The following ATP6V0A4 variants were observed in gnomAD, a reference collection of about 807,000 sequenced individuals.
The protein encoded by ATP6V0A4 is V-type proton ATPase 116 kDa subunit a 4.
ATP6V0A4 carries 86 observed loss-of-function variants against 107.3 expected under a neutral mutation model. That is an observed-to-expected ratio of 0.80 (90% CI 0.67 to 0.96). The LOEUF (loss-of-function observed/expected upper bound fraction) is 0.96. Ranked by LOEUF, ATP6V0A4 falls within the 40% of genes least tolerant of loss-of-function variation. The pLI is 0.00. For synonymous variants in ATP6V0A4, 353 were observed against 381.4 expected (o/e 0.93, Z 0.87); for missense variants, 908 against 1,045.6 (o/e 0.87, Z 1.81).
At position 138,714,238 on chromosome 7, in the gene ATP6V0A4, G is replaced by GAAA. The variant is rs34018116; in HGVS notation, c.2257+1523_2257+1525dup. Among the ~76,000 whole-genome samples, 108 of 126,954 alleles carry GAAA rather than the reference G, an allele frequency of 8.5e-4. 2 individuals are homozygous for GAAA. The highest frequency in any genetic ancestry group is 3.8e-3 in the Middle Eastern group (1 of 264). 83.3% of individuals were successfully genotyped at this position (126,954 alleles called of 152,430 possible). On this transcript the variant is annotated intron_variant, in intron 20 of 21. Transcript: ENST00000310018. ...GCAACAGAGGGAGACCCTGTCTTAGGAAAAAAAAAAAAAACGCTCCTCAGG... is the reference window on the plus strand; with the variant it reads ...GCAACAGAGGGAGACCCTGTCTTAGGAAAAAAAAAAAAAAAAACGCTCCTCAGG...
intron 18 of ATP6V0A4, among the ~76,000 whole-genome samples, chr7:138,725,494 A>T (rs1282530509): frequency 6.6e-6 from 1 of 151,818 alleles, no homozygotes; most frequent in Admixed American, 6.6e-5. Context: ...GGTAAGAGTG[A>T]CAGGAAGAAG....
At chr7:138,749,142 G>A in intron 12 of ATP6V0A4, 25 bp downstream of exon 12, 3 of 1,613,460 alleles carry the variant, frequency 1.9e-6, no homozygotes, top group Admixed American at 3.3e-5. Context: ...AAGCTACCCA[G>A]TCGTGCAGTT....
At chr7:138,735,078 T>C (rs1045556485) in intron 15 of ATP6V0A4, among the ~76,000 whole-genome samples, 4 of 152,312 alleles carry the variant, frequency 2.6e-5, no homozygotes, top group Non-Finnish European at 5.9e-5. Flanking sequence ...GGGGATCATG[T>C]GTACCTGTCC....
chr7:138,730,350 G>A (rs1246861552), intron 17 of ATP6V0A4, among the ~76,000 whole-genome samples: 3 of 137,156 alleles, frequency 2.2e-5, no homozygotes, highest in Non-Finnish European at 4.5e-5. Context: ...GAGTGTGTGT[G>A]TGTGTGTGTG....
intron 2 of ATP6V0A4, among the ~76,000 whole-genome samples, chr7:138,784,309 TA>T (rs1563021094): frequency 8.2e-6 from 1 of 122,244 alleles, no homozygotes; most frequent in Non-Finnish European, 1.6e-5. Flanking sequence ...CACACACACA[TA>T]TATATATATG....
chr7:138,767,479 C>T (rs916826202), intron 5 of ATP6V0A4, among the ~76,000 whole-genome samples: 2 of 152,114 alleles, frequency 1.3e-5, no homozygotes, highest in Admixed American at 6.6e-5. Context: ...GCCGAGATCA[C>T]ACCACTGCAC....
intron 8 of ATP6V0A4, among the ~76,000 whole-genome samples, chr7:138,758,770 T>TTTTTTTTGG (rs1806637554): frequency 3.7e-5 from 3 of 80,774 alleles, no homozygotes; most frequent in Admixed American, 1.2e-4. Context: ...TTTTTTTTTT[T>TTTTTTTTGG]GAGGGAGTCT....
rs1279104033 is a variant in ATP6V0A4 at position 138,752,838 on chromosome 7, C to T, written c.817-1G>A. 6.2e-7 allele frequency: 1 copy of T among 1,613,752 alleles called. No individual in the cohort carries two copies. Among genetic ancestry groups the T allele is most frequent in the Non-Finnish European group, 8.5e-7 (1 of 1,180,008 alleles). ...GGTGAGACTCTGTTTGTGTTATGAC[C>T]TATACAAAAAACAACACACAGGAAA... is the stretch of plus-strand genomic sequence containing the variant. On this transcript the variant is annotated splice_acceptor_variant, in intron 10 of 21. Transcript: ENST00000310018. LOFTEE classifies it high-confidence loss of function.
intron 1 of ATP6V0A4, among the ~76,000 whole-genome samples, chr7:138,786,515 G>A (rs942391062): frequency 6.6e-6 from 1 of 151,870 alleles, no homozygotes; most frequent in Non-Finnish European, 1.5e-5. Context: ...GGAGGTCGAC[G>A]CTGCAGTGAA....
At chr7:138,733,848 T>C (rs949481349) in intron 16 of ATP6V0A4, among the ~76,000 whole-genome samples, 1 of 152,088 alleles carries the variant, frequency 6.6e-6, no homozygotes, top group African/African-American at 2.4e-5. Context: ...AGCGCTGGGA[T>C]TACAGGTGTG....
chr7:138,712,436 T>C (rs1189072865), intron 20 of ATP6V0A4, among the ~76,000 whole-genome samples: 4 of 150,500 alleles, frequency 2.7e-5, no homozygotes, highest in African/African-American at 9.8e-5. Flanking sequence ...ATTTAGAGGG[T>C]AAGTTGTTAT....
intron 6 of ATP6V0A4, 118 bp from the exon 7 acceptor site, chr7:138,762,552 C>T: frequency 1.3e-6 from 2 of 1,522,278 alleles, no homozygotes; most frequent in Non-Finnish European, 1.8e-6. Context: ...AAAAAGTTAA[C>T]AGAAGTCAGA....
intron 20 of ATP6V0A4, among the ~76,000 whole-genome samples, chr7:138,712,901 CACT>C (rs1447295902): frequency 6.6e-6 from 1 of 152,094 alleles, no homozygotes; most frequent in African/African-American, 2.4e-5. Context: ...ACATTACCAC[CACT>C]GACTGCACGA....
At chr7:138,711,691 T>C (rs1396863974) in intron 20 of ATP6V0A4, among the ~76,000 whole-genome samples, 1 of 152,230 alleles carries the variant, frequency 6.6e-6, no homozygotes, top group African/African-American at 2.4e-5. Context: ...GTTAGACCCG[T>C]ACCTGAGATT....
chr7:138,783,007 G>A (rs909020371), intron 2 of ATP6V0A4, among the ~76,000 whole-genome samples: 3 of 152,050 alleles, frequency 2.0e-5, no homozygotes, highest in Non-Finnish European at 4.4e-5. Context: ...CCCGAGAGGC[G>A]GAGGTTGCAG....
intron 12 of ATP6V0A4, 109 bp downstream of exon 12, chr7:138,749,058 C>A: frequency 7.1e-7 from 1 of 1,407,806 alleles, no homozygotes; most frequent in Non-Finnish European, 1.0e-6. Flanking sequence ...ACTACCCTAG[C>A]CCCAAGCCTC....
chr7:138,763,475 A>T (rs1005047281), intron 5 of ATP6V0A4, among the ~76,000 whole-genome samples: 1 of 151,744 alleles, frequency 6.6e-6, no homozygotes, highest in African/African-American at 2.4e-5. Flanking sequence ...TAAAAATAGA[A>T]AAATTAGCCA....
intron 1 of ATP6V0A4, among the ~76,000 whole-genome samples, chr7:138,796,114 A>G (rs1359220958): frequency 1.3e-5 from 2 of 152,126 alleles, no homozygotes; most frequent in African/African-American, 4.8e-5. Flanking sequence ...ACTTGTGAGG[A>G]AAACATCGAG....
intron 2 of ATP6V0A4, 136 bp from the exon 3 acceptor site, chr7:138,771,400 CTTTTT>C: frequency 1.2e-5 from 8 of 660,918 alleles, no homozygotes; most frequent in East Asian, 3.9e-5. Context: ...TTTTAGGAGA[CTTTTT>C]TTTTTTTTTT....
Sources: allele counts gnomAD v4.1 joint callset (sites outside exome capture counted in the v4.1 genomes callset), GRCh38; gene constraint gnomAD v4.1.1; transcripts MANE v1.5; gene names NCBI Gene and HGNC (gene_info 2026-07-23, HGNC 2026-07-21).